The following TMEM255B variants were observed in gnomAD, a reference collection of about 807,000 sequenced individuals.
TMEM255B encodes transmembrane protein 255B.
Under a neutral mutation model 34.5 loss-of-function variants are expected in TMEM255B, and 35 were observed. That is an observed-to-expected ratio of 1.01 (90% CI 0.77 to 1.34). TMEM255B has a LOEUF of 1.34. Among genes scored for constraint, TMEM255B ranks in the 40% most tolerant of loss-of-function variants. The probability of loss-of-function intolerance (pLI) is 0.00; values close to 1 mark genes in which losing one functional copy is unlikely to be tolerated. For synonymous variants in TMEM255B, 206 were observed against 201.2 expected (o/e 1.02, Z -0.20); for missense variants, 432 against 433.2 (o/e 1.00, Z 0.02).
At chr13:113,783,477 TTAAAG>T (rs1329079345) in intron 3 of TMEM255B, among the ~76,000 whole-genome samples, 4 of 152,110 alleles carry the variant, frequency 2.6e-5, no homozygotes, top group African/African-American at 9.7e-5. Context: ...TCATGCCAAG[TTAAAG>T]TAAAGGATTG....
At chr13:113,765,051 G>T (rs529482225) in intron 1 of TMEM255B, among the ~76,000 whole-genome samples, 2 of 152,200 alleles carry the variant, frequency 1.3e-5, no homozygotes, top group Non-Finnish European at 2.9e-5. Context: ...GAGTGATCTG[G>T]TCCCCTCCAA....
chr13:113,787,429 G>A (rs1259380072), intron 3 of TMEM255B, among the ~76,000 whole-genome samples: 2 of 152,232 alleles, frequency 1.3e-5, no homozygotes, highest in African/African-American at 4.8e-5. Flanking sequence ...GACCTGAGTG[G>A]TGCGGCTTCT....
chr13:113,800,907 C>A lies in TMEM255B; in HGVS notation c.504C>A (p.Cys168Ter), dbSNP rs1295511930. The change falls in exon 6 of 9, where the codon TGC becomes TGA. Residue 168 changes from cysteine to a stop codon, truncating the protein, a stop_gained. Transcript: ENST00000375353. LOFTEE classifies it high-confidence loss of function. ...GTTACTGCTGTGACCTCTATGCCTGCGGGAGGTGAGGGGCACCGGGGACCC... is the reference window on the plus strand; with the variant it reads ...GTTACTGCTGTGACCTCTATGCCTGAGGGAGGTGAGGGGCACCGGGGACCC... ...NTCYCCDLYA[C>*]GSAEPSPAYY... 8.2e-7 allele frequency: 1 copy of A among 1,215,558 alleles called. No homozygotes were observed. The allele number at this position is 1,215,558 out of a possible 1,614,324, so 75.3% of individuals were successfully genotyped here.
intron 3 of TMEM255B, among the ~76,000 whole-genome samples, chr13:113,789,983 T>TGGACATCCTAGCACTGGACTGACC (rs1566733244): frequency 7.4e-6 from 1 of 134,720 alleles, no homozygotes; most frequent in Non-Finnish European, 1.6e-5. Flanking sequence ...CTGGACTGAC[T>TGGACATCCTAGCACTGGACTGACC]GGGCACGTGG....
chr13:113,772,328 A>G (rs1257442454), intron 3 of TMEM255B, among the ~76,000 whole-genome samples: 1 of 152,196 alleles, frequency 6.6e-6, no homozygotes, highest in Non-Finnish European at 1.5e-5. Flanking sequence ...TGAGGCACAA[A>G]AGTTTTTAAT....
chr13:113,768,327 C>T (rs779060122), intron 2 of TMEM255B: 10 of 445,892 alleles, frequency 2.2e-5, no homozygotes, highest in East Asian at 1.4e-4. Flanking sequence ...GCCAGGTGGG[C>T]GTCACCTGCC....
At chr13:113,793,006 C>T (rs2050857097) in intron 3 of TMEM255B, among the ~76,000 whole-genome samples, 1 of 152,232 alleles carries the variant, frequency 6.6e-6, no homozygotes, top group Non-Finnish European at 1.5e-5. Flanking sequence ...GAACCCAGCA[C>T]CTCCCTTTCC....
At position 113,812,199 on chromosome 13, in the gene TMEM255B, C is replaced by G. The variant is rs1006627001; in HGVS notation, c.*296C>G. ...AGCAATTGTTCTGGTGTTTTCACAT[C>G]CCTTAATTAATTAGCTATTATTATG... On this transcript the variant is annotated 3_prime_UTR_variant, in exon 9 of 9. Transcript: ENST00000375353. 2 of 458,288 alleles carry G rather than the reference C, an allele frequency of 4.4e-6. No individual in the cohort carries two copies. The highest frequency in any genetic ancestry group is 7.7e-6 in the Non-Finnish European group (2 of 260,476). The allele number at this position is 458,288 out of a possible 1,614,324, so 28.4% of individuals were successfully genotyped here. A position where few individuals can be genotyped will look rare whatever the true frequency, so the allele number is the denominator to read the frequency against.
intron 1 of TMEM255B, 73 bp from the exon 2 acceptor site, chr13:113,766,042 C>T: frequency 6.3e-7 from 1 of 1,590,782 alleles, no homozygotes; most frequent in Admixed American, 1.7e-5. Context: ...CGGAGCACGG[C>T]CCAGAGCCTG....
intron 8 of TMEM255B, among the ~76,000 whole-genome samples, chr13:113,809,964 C>T (rs2051269091): frequency 6.6e-6 from 1 of 152,138 alleles, no homozygotes; most frequent in Non-Finnish European, 1.5e-5. Context: ...TGTCCCTGAA[C>T]CACTGGATCC....
chr13:113,800,011 G>A (rs1272735050), intron 5 of TMEM255B: 1 of 1,239,128 alleles, frequency 8.1e-7, no homozygotes, highest in Admixed American at 2.5e-5. Context: ...CCCTCTCAGT[G>A]GCCAGCACCT....
intron 3 of TMEM255B, among the ~76,000 whole-genome samples, chr13:113,785,864 C>T (rs1288844045): frequency 6.6e-6 from 1 of 152,128 alleles, no homozygotes; most frequent in East Asian, 1.9e-4. Flanking sequence ...ATCCCTGTGT[C>T]TTCTCGGACA....
rs116401209 is a variant in TMEM255B at position 113,766,032 on chromosome 13, C to T, written c.47-83C>T. On this transcript the variant is annotated intron_variant, in intron 1 of 8. Coordinates refer to ENST00000375353, the MANE Select transcript of TMEM255B (RefSeq NM_182614.4). ...AGTGCATCCCAGGACCCCTGGGTAACGGAGCACGGCCCAGAGCCTGCTGGC... is the reference window on the plus strand; with the variant it reads ...AGTGCATCCCAGGACCCCTGGGTAATGGAGCACGGCCCAGAGCCTGCTGGC... 1,758 of 1,569,634 alleles carry T rather than the reference C, an allele frequency of 1.1e-3. 17 individuals are homozygous for T. The African/African-American group carries it at 0.021, about 18-fold the overall frequency.
At chr13:113,804,295 G>T (rs1337149323) in intron 7 of TMEM255B, among the ~76,000 whole-genome samples, 2 of 152,182 alleles carry the variant, frequency 1.3e-5, no homozygotes, top group Non-Finnish European at 2.9e-5. Context: ...GGTTTTGTTC[G>T]CATTCCCCAG....
At chr13:113,768,818 A>G in intron 2 of TMEM255B, 1 of 533,144 alleles carries the variant, frequency 1.9e-6, no homozygotes, top group Non-Finnish European at 3.7e-6. Context: ...TCTCTGGGGG[A>G]GGAGTGGGAA....
chr13:113,791,035 G>A, intron 3 of TMEM255B, among the ~76,000 whole-genome samples: 1 of 152,242 alleles, frequency 6.6e-6, no homozygotes, highest in Non-Finnish European at 1.5e-5. Context: ...ATGGGTGATG[G>A]AAGGTAGACC....
At chr13:113,775,624 C>T (rs921033575) in intron 3 of TMEM255B, among the ~76,000 whole-genome samples, 2 of 152,252 alleles carry the variant, frequency 1.3e-5, no homozygotes, top group Admixed American at 1.3e-4. Context: ...GGGCCCCATC[C>T]ACTTGCCATC....
rs559648563 is a variant in TMEM255B at position 113,768,728 on chromosome 13, A to G, written c.190-370A>G. On this transcript the variant is annotated intron_variant, in intron 2 of 8. Transcript: ENST00000375353. ...TTCCCTAATACCTTACCCAGGAGCC[A>G]TGCTCAGGGGCATCTCAGGCCTGGA... Among the ~76,000 whole-genome samples, 13 of 152,308 alleles carry G rather than the reference A, an allele frequency of 8.5e-5. No individual in the cohort carries two copies. The East Asian group carries it at 2.5e-3, about 29-fold the overall frequency.
At chr13:113,768,569 C>T (rs2050428462) in intron 2 of TMEM255B, among the ~76,000 whole-genome samples, 1 of 152,070 alleles carries the variant, frequency 6.6e-6, no homozygotes, top group Non-Finnish European at 1.5e-5. Context: ...TGCCCTTTCC[C>T]CACACCTGGC....
Sources: gnomAD v4.1 joint callset for allele counts (sites outside exome capture counted in the v4.1 genomes callset) on GRCh38, gnomAD v4.1.1 for gene constraint, MANE v1.5 for transcripts, NCBI Gene and HGNC (gene_info 2026-07-23, HGNC 2026-07-21) for gene names.